CNTN6: variants seen among roughly 807,000 people sequenced by gnomAD.
CNTN6 encodes contactin-6.
CNTN6 carries 137 observed loss-of-function variants against 122.8 expected under a neutral mutation model. The observed-to-expected ratio is 1.12, with a 90% CI of 0.97 to 1.29. The LOEUF is 1.29. CNTN6 is among the 50% of genes most tolerant of loss of function. The pLI is 0.00. For synonymous variants in CNTN6, 570 were observed against 426.0 expected (o/e 1.34, Z -4.16); for missense variants, 1,634 against 1,223.4 (o/e 1.34, Z -5.01).
rs759838195 is a variant in CNTN6, at chr3:1,295,620, C to A, written c.474C>A (p.Thr158=). Reference sequence around the variant, plus strand: ...TTTCAGATTTATCTTATGCATGGACCTTCAATGATAACCCCTTATACGTCC... The same window carrying A: ...TTTCAGATTTATCTTATGCATGGACATTCAATGATAACCCCTTATACGTCC... ...PHFGDLSYAW[T]FNDNPLYVQE... The change falls in exon 6 of 23, where the codon ACC becomes ACA. Residue 158 remains threonine, a synonymous_variant. Coordinates refer to ENST00000446702, the MANE Select transcript of CNTN6 (RefSeq NM_001289080.2). 5.0e-6 allele frequency: 8 copies of A among 1,613,424 alleles called. No individual in the cohort carries two copies. The African/African-American group carries it at 8.0e-5, about 16-fold the overall frequency.
intron 11 of CNTN6, among the ~76,000 whole-genome samples, chr3:1,330,857 C>A (rs1160453807): frequency 1.3e-5 from 2 of 151,830 alleles, no homozygotes; most frequent in Non-Finnish European, 2.9e-5. Flanking sequence ...AGTTCCCTAC[C>A]TAAAAAGGAT....
chr3:1,130,578 C>T (rs2092310480), intron 1 of CNTN6, among the ~76,000 whole-genome samples: 1 of 152,158 alleles, frequency 6.6e-6, no homozygotes, highest in African/African-American at 2.4e-5. Flanking sequence ...CAGTTGATGA[C>T]ACTGGCAAAT....
intron 8 of CNTN6, among the ~76,000 whole-genome samples, chr3:1,323,893 A>ATTCATGTGAAAACATTT (rs1701193274): frequency 1.0e-3 from 140 of 140,300 alleles, no homozygotes; most frequent in African/African-American, 4.2e-3. Context: ...TTGAATAAAT[A>ATTCATGTGAAAACATTT]AATGTGTTCT....
chr3:1,102,258 T>C (rs747049767), intron 1 of CNTN6, among the ~76,000 whole-genome samples: 15 of 152,194 alleles, frequency 9.9e-5, no homozygotes, highest in Non-Finnish European at 2.1e-4. Flanking sequence ...ACCGCTGAGC[T>C]ATCTTTCTAA....
At chr3:1,199,849 A>C (rs2093835523) in intron 2 of CNTN6, among the ~76,000 whole-genome samples, 2 of 152,160 alleles carry the variant, frequency 1.3e-5, no homozygotes, top group South Asian at 4.1e-4. Flanking sequence ...AAACTTTCTT[A>C]AACAGTCAAT....
intron 11 of CNTN6, among the ~76,000 whole-genome samples, chr3:1,352,004 C>T (rs1380167448): frequency 6.6e-6 from 1 of 151,912 alleles, no homozygotes; most frequent in African/African-American, 2.4e-5. Context: ...TAAATAGTTG[C>T]ATTTCTTATT....
chr3:1,187,032 C>T (rs1343474086), intron 2 of CNTN6, among the ~76,000 whole-genome samples: 3 of 152,092 alleles, frequency 2.0e-5, no homozygotes, highest in Admixed American at 6.6e-5. Flanking sequence ...GTAGTACCTC[C>T]GTGTGTCCTA....
At chr3:1,372,249 C>T in intron 12 of CNTN6, 50 bp from the exon 13 acceptor site, 1 of 1,407,528 alleles carries the variant, frequency 7.1e-7, no homozygotes. Flanking sequence ...ATTTTATAAC[C>T]ATAGGCTAGC....
chr3:1,210,348 T>A (rs2094017201), intron 2 of CNTN6, among the ~76,000 whole-genome samples: 1 of 147,418 alleles, frequency 6.8e-6, no homozygotes, highest in Non-Finnish European at 1.5e-5. Context: ...AAAAGATAAA[T>A]ACGTGTGGTA....
intron 4 of CNTN6, among the ~76,000 whole-genome samples, chr3:1,243,564 A>C (rs1206907292): frequency 2.0e-5 from 3 of 151,942 alleles, no homozygotes; most frequent in Non-Finnish European, 2.9e-5. Context: ...CTAGGGCTGT[A>C]AAGTGGCTCA....
chr3:1,305,400 G>A (rs911181296), intron 7 of CNTN6, among the ~76,000 whole-genome samples: 2 of 152,134 alleles, frequency 1.3e-5, no homozygotes, highest in Non-Finnish European at 2.9e-5. Context: ...GAGTTTCAGA[G>A]CTGACATGAT....
intron 19 of CNTN6, 75 bp from the exon 20 acceptor site, chr3:1,385,536 T>C: frequency 8.3e-7 from 1 of 1,199,786 alleles, no homozygotes; most frequent in Non-Finnish European, 1.2e-6. Context: ...TGGTTGTGGT[T>C]GATAGTTGTT....
intron 10 of CNTN6, among the ~76,000 whole-genome samples, chr3:1,327,985 C>T (rs952661354): frequency 6.6e-6 from 1 of 151,790 alleles, no homozygotes; most frequent in African/African-American, 2.4e-5. Context: ...CATTGGCTGC[C>T]GGGCATGGCA....
At chr3:1,216,383 T>A (rs1559530860) in intron 2 of CNTN6, among the ~76,000 whole-genome samples, 1 of 152,220 alleles carries the variant, frequency 6.6e-6, no homozygotes, top group Non-Finnish European at 1.5e-5. Flanking sequence ...AGACTGCTTT[T>A]ACTCCACAGT....
chr3:1,168,929 T>G (rs2093310743), intron 2 of CNTN6, among the ~76,000 whole-genome samples: 1 of 152,150 alleles, frequency 6.6e-6, no homozygotes, highest in Non-Finnish European at 1.5e-5. Flanking sequence ...TCAAACTATA[T>G]TGCTGATATA....
At chr3:1,290,594 C>G (rs1305265025) in intron 5 of CNTN6, among the ~76,000 whole-genome samples, 1 of 152,104 alleles carries the variant, frequency 6.6e-6, no homozygotes, top group Non-Finnish European at 1.5e-5. Context: ...AGGGCGTGCC[C>G]ATAGATTAAA....
chr3:1,137,787 T>G (rs1002285212), intron 1 of CNTN6, among the ~76,000 whole-genome samples: 2 of 152,154 alleles, frequency 1.3e-5, no homozygotes, highest in Admixed American at 6.5e-5. Context: ...TCTGGTAGAT[T>G]TTAAGAATGG....
chr3:1,392,093 G>A (rs1016200975), intron 20 of CNTN6, among the ~76,000 whole-genome samples: 204 of 152,164 alleles, frequency 1.3e-3, no homozygotes, highest in African/African-American at 4.5e-3. Context: ...AGCCCGCATC[G>A]CCAAGTCAAT....
At chr3:1,243,777 T>G (rs1575390739) in intron 4 of CNTN6, among the ~76,000 whole-genome samples, 1 of 151,656 alleles carries the variant, frequency 6.6e-6, no homozygotes, top group African/African-American at 2.4e-5. Context: ...AGACCGGGTG[T>G]GAGGAGGGGA....
Sources: allele counts gnomAD v4.1 joint callset (sites outside exome capture counted in the v4.1 genomes callset), GRCh38; gene constraint gnomAD v4.1.1; transcripts MANE v1.5; gene names NCBI Gene and HGNC (gene_info 2026-07-23, HGNC 2026-07-21).